CALM2: variants seen among roughly 807,000 people sequenced by gnomAD.
The protein encoded by CALM2 is calmodulin-2.
CALM2 carries 2 observed loss-of-function variants against 19.8 expected under a neutral mutation model. The ratio of observed to expected loss-of-function variants is 0.10; its 90% CI spans 0.04 to 0.32. The LOEUF (loss-of-function observed/expected upper bound fraction) is 0.32, where lower values mean the gene tolerates loss of function less well. CALM2 is among the 10% of genes least tolerant of loss of function. CALM2 has a pLI of 1.00. For synonymous variants in CALM2, 51 were observed against 52.1 expected (o/e 0.98, Z 0.09); for missense variants, 38 against 178.7 (o/e 0.21, Z 4.49).
intron 1 of CALM2, 41 bp downstream of exon 1, chr2:47,176,400 C>G: frequency 6.2e-7 from 1 of 1,610,548 alleles, no homozygotes; most frequent in East Asian, 2.2e-5. Flanking sequence ...CAGTCTCTTC[C>G]CCCCACAGGC....
chr2:47,168,064 T>C (rs1666546522), intron 2 of CALM2, among the ~76,000 whole-genome samples: 1 of 152,146 alleles, frequency 6.6e-6, no homozygotes, highest in African/African-American at 2.4e-5. Context: ...CTAGAACTTT[T>C]TTGTGTTACA....
At chr2:47,173,982 C>T (rs1666762765) in intron 1 of CALM2, 1 of 152,180 alleles carries the variant, frequency 6.6e-6, no homozygotes, top group Non-Finnish European at 1.5e-5. Context: ...GAAGCTAGAG[C>T]TTTCTATATT....
chr2:47,176,401 C>T, intron 1 of CALM2, 40 bp downstream of exon 1: 1 of 1,610,934 alleles, frequency 6.2e-7, no homozygotes, highest in East Asian at 2.2e-5. Flanking sequence ...AGTCTCTTCC[C>T]CCCACAGGCC....
At chr2:47,170,801 G>T in intron 1 of CALM2, 37 bp from the exon 2 acceptor site, 1 of 1,571,886 alleles carries the variant, frequency 6.4e-7, no homozygotes, top group Non-Finnish European at 8.8e-7. Flanking sequence ...AGTGACTTGA[G>T]AGTATGTAGA....
intron 5 of CALM2, among the ~76,000 whole-genome samples, 164 bp downstream of exon 5, chr2:47,161,559 A>AG (rs1687155376): frequency 6.6e-6 from 1 of 152,226 alleles, no homozygotes; most frequent in Non-Finnish European, 1.5e-5. Context: ...AATGTTACCT[A>AG]GTCTGCAGAC....
At chr2:47,160,850 CAAA>C (rs55773607) in intron 5 of CALM2, 46 bp from the exon 6 acceptor site, 118,165 of 366,112 alleles carry the variant, frequency 0.32, 9,554 homozygotes, top group East Asian at 0.42. Flanking sequence ...AGCAAAAGAC[CAAA>C]AAAAAAAAAA....
At chr2:47,166,332 A>C (rs1327895298) in intron 2 of CALM2, among the ~76,000 whole-genome samples, 1 of 152,224 alleles carries the variant, frequency 6.6e-6, no homozygotes, top group African/African-American at 2.4e-5. Context: ...GTATCTTTTA[A>C]CACCACCATT....
chr2:47,173,582 A>G (rs1358870881), intron 1 of CALM2: 1 of 152,246 alleles, frequency 6.6e-6, no homozygotes, highest in African/African-American at 2.4e-5. Context: ...TTATGTACCT[A>G]TCAAACATTT....
In CALM2 at chr2:47,176,403, C is replaced by A. The variant is rs766591484; in HGVS notation, c.3+38G>T. 3.1e-6 allele frequency: 5 copies of A among 1,611,282 alleles called. No homozygotes were observed. The African/African-American group carries it at 4.0e-5, about 13-fold the overall frequency. On this transcript the variant is annotated intron_variant, in intron 1 of 5. Coordinates refer to ENST00000272298, the MANE Select transcript of CALM2 (RefSeq NM_001743.6). ...GTCAGTTCGCTCCAGTCTCTTCCCC[C>A]CACAGGCCCAGCGCCGGCAGCTCAG...
At chr2:47,176,913 T>G (rs1666895781), upstream of CALM2, 1 of 985,248 alleles carries the variant, frequency 1.0e-6, no homozygotes, top group South Asian at 4.7e-5. Flanking sequence ...CCGTTGCTGC[T>G]CGGGCCGCGC....
intron 1 of CALM2, among the ~76,000 whole-genome samples, chr2:47,174,373 C>T (rs930178697): frequency 3.9e-4 from 60 of 152,134 alleles, no homozygotes; most frequent in African/African-American, 1.4e-3. Flanking sequence ...CTGCCTCAGC[C>T]CATTGACTAG....
At chr2:47,175,422 C>G (rs944288685) in intron 1 of CALM2, among the ~76,000 whole-genome samples, 2 of 152,164 alleles carry the variant, frequency 1.3e-5, no homozygotes, top group African/African-American at 4.8e-5. Flanking sequence ...GGCAGTCACT[C>G]CGGAGCCTGC....
upstream of CALM2, chr2:47,176,596 A>G (rs1022806523): frequency 1.1e-5 from 17 of 1,538,460 alleles, no homozygotes; most frequent in Non-Finnish European, 1.5e-5. Context: ...GAACATCGCA[A>G]ACGAGTCCCG....
chr2:47,162,177 A>C, intron 4 of CALM2, 109 bp downstream of exon 4: 2 of 259,204 alleles, frequency 7.7e-6, no homozygotes, highest in Non-Finnish European at 1.4e-5. Context: ...TCATCAAAAA[A>C]AAAAAAAAAA....
chr2:47,169,498 A>T (rs1297536016), intron 2 of CALM2, among the ~76,000 whole-genome samples: 1 of 152,174 alleles, frequency 6.6e-6, no homozygotes, highest in Non-Finnish European at 1.5e-5. Flanking sequence ...GATACCTTTA[A>T]AACAGTGTAA....
intron 2 of CALM2, among the ~76,000 whole-genome samples, chr2:47,165,595 C>A (rs1666439967): frequency 6.6e-6 from 1 of 152,172 alleles, no homozygotes; most frequent in Non-Finnish European, 1.5e-5. Flanking sequence ...CATATACTGC[C>A]AAAGGCTCTT....
chr2:47,173,665 A>T (rs1193510994), intron 1 of CALM2: 1 of 152,228 alleles, frequency 6.6e-6, no homozygotes, highest in African/African-American at 2.4e-5. Context: ...TCTTATCTGA[A>T]TAAATGTGTG....
chr2:47,164,107 G>A (rs1274238372), intron 2 of CALM2: 4 of 152,204 alleles, frequency 2.6e-5, no homozygotes, highest in South Asian at 2.1e-4. Flanking sequence ...GCGTGGTGGC[G>A]GGCGCCTATA....
Position 47,160,904 on chromosome 2 carries a change from T to C in CALM2, c.422-100A>G, listed in dbSNP as rs571404787. 3 of 651,686 alleles carry C rather than the reference T, an allele frequency of 4.6e-6. No individual in the cohort carries two copies. In the South Asian group the frequency reaches 6.4e-5, roughly 14 times the overall value. The allele number at this position is 651,686 out of a possible 1,614,324, so 40.4% of individuals were successfully genotyped here. On this transcript the variant is annotated intron_variant, in intron 5 of 5. Transcript: ENST00000272298. ...ATTTACTCAATTACTGAGTACTCTT[T>C]CCATTCCTCTCTTTCCTCAGAATTA...
Sources: allele counts gnomAD v4.1 joint callset (sites outside exome capture counted in the v4.1 genomes callset), GRCh38; gene constraint gnomAD v4.1.1; transcripts MANE v1.5; gene names NCBI Gene and HGNC (gene_info 2026-07-23, HGNC 2026-07-21).